HS3ST1: variants seen among roughly 807,000 people sequenced by gnomAD.
HS3ST1 encodes heparan sulfate-glucosamine 3-sulfotransferase 1, also known as heparan sulfate glucosamine 3-O-sulfotransferase 1.
A neutral mutation model predicts 20.7 loss-of-function variants in HS3ST1; 8 were observed. The ratio of observed to expected loss-of-function variants is 0.39; its 90% CI spans 0.23 to 0.70. The LOEUF is 0.70. Ranked by LOEUF, HS3ST1 falls within the 30% of genes least tolerant of loss-of-function variation. The pLI is 0.46. For missense variants in HS3ST1, 436 were observed against 423.4 expected, an observed-to-expected ratio of 1.03 and a Z score of -0.26; for synonymous variants, 205 against 190.4, an observed-to-expected ratio of 1.08 and a Z score of -0.63.
In HS3ST1 at chr4:11,399,409, G is replaced by C. The variant is rs376075496; in HGVS notation, c.597C>G (p.His199Gln). 92 of 1,613,902 alleles carry C rather than the reference G, an allele frequency of 5.7e-5. No homozygotes were observed. Among genetic ancestry groups the C allele is most frequent in the Non-Finnish European group, 7.5e-5 (89 of 1,180,000 alleles). ...GGAAAAAGCGCAGCCAGTTCTGCAT[G>C]TGCACGTGGTAGAGGCTGCGGTTGA... ...KALNRSLYHV[H>Q]MQNWLRFFPL... Residue 199 changes from histidine to glutamine, a missense_variant, in exon 2 of 2, where the codon CAC becomes CAG. Coordinates refer to ENST00000002596, the MANE Select transcript of HS3ST1 (RefSeq NM_005114.4). This position sits in a 1 kb window ranked among gnomAD's most constrained non-coding sequence, Gnocchi z 5.1.
chr4:11,412,088 C>T (rs1718653714), intron 1 of HS3ST1, among the ~76,000 whole-genome samples: 1 of 152,156 alleles, frequency 6.6e-6, no homozygotes, highest in Admixed American at 6.5e-5. Flanking sequence ...TTCCATATCC[C>T]AATAGCTGAT....
At position 11,399,070 on chromosome 4, in the gene HS3ST1, G is replaced by C. The variant is rs572965853; in HGVS notation, c.*12C>G. 1 of 1,601,950 alleles carries C rather than the reference G, an allele frequency of 6.2e-7. No individual in the cohort carries two copies. The highest frequency in any genetic ancestry group is 8.5e-7 in the Non-Finnish European group (1 of 1,171,386). ...TACAGTAGGAAAGTTTCTGAGCTTAGCTTATTGCAAATCAGTGCCAGTCAA... is the reference window on the plus strand; with the variant it reads ...TACAGTAGGAAAGTTTCTGAGCTTACCTTATTGCAAATCAGTGCCAGTCAA... On this transcript the variant is annotated 3_prime_UTR_variant, in exon 2 of 2. Coordinates refer to ENST00000002596, the MANE Select transcript of HS3ST1 (RefSeq NM_005114.4). The surrounding 1 kb of genome is among the most constrained non-coding windows in gnomAD (Gnocchi z 5.1).
chr4:11,431,223 C>T (rs1037619557), upstream of HS3ST1, among the ~76,000 whole-genome samples: 1 of 134,584 alleles, frequency 7.4e-6, no homozygotes, highest in African/African-American at 3.0e-5. Flanking sequence ...CTGAAACATA[C>T]TATGCTCTTA....
At position 11,399,127 on chromosome 4, in the gene HS3ST1, A is replaced by C; in HGVS notation, c.879T>G (p.Asn293Lys). The C allele has an allele frequency of 6.2e-7, 1 of 1,613,986 alleles. No homozygotes were observed. Residue 293 changes from asparagine to lysine, a missense_variant, in exon 2 of 2, where the codon AAT (asparagine) becomes AAG (lysine). By Grantham distance (94) the Asn-to-Lys change is moderately conservative. Transcript: ENST00000002596. The surrounding 1 kb of genome is among the most constrained non-coding windows in gnomAD (Gnocchi z 5.1). ...NKLHEYFHEP[N>K]KKFFELVGRT... is the part of the protein sequence containing the mutation. ...TGCCAACAAGCTCGAAGAACTTCTT[A>C]TTTGGCTCATGAAAATATTCGTGCA...
intron 1 of HS3ST1, among the ~76,000 whole-genome samples, chr4:11,402,578 C>T (rs777813398): frequency 3.9e-5 from 6 of 152,054 alleles, no homozygotes; most frequent in Admixed American, 6.6e-5. Context: ...TGTATGCATG[C>T]ATGTGTGTGT....
Position 11,397,383 on chromosome 4 carries a change from G to A in HS3ST1, c.*1699C>T, listed in dbSNP as rs1007736141. ...ACGTACCAAGGTGACTCACTTCCCT[G>A]ATAACACTGCTGAGAAAAATGCAGG... is the stretch of plus-strand genomic sequence containing the variant. On this transcript the variant is annotated 3_prime_UTR_variant, in exon 2 of 2. Transcript: ENST00000002596. 1.3e-5 allele frequency: 2 copies of A among 152,464 alleles called. No homozygotes were observed. Among genetic ancestry groups the A allele is most frequent in the Non-Finnish European group, 2.9e-5 (2 of 68,248 alleles). 9.4% of individuals were successfully genotyped at this position (152,464 alleles called of 1,614,324 possible). A position where few individuals can be genotyped will look rare whatever the true frequency, so the allele number is the denominator to read the frequency against.
rs1027737745 is a variant in HS3ST1 at position 11,396,688 on chromosome 4, G to A, written c.*2394C>T. 6.6e-6 allele frequency: 1 copy of A among 152,260 alleles called. No homozygotes were observed. Among genetic ancestry groups the A allele is most frequent in the Non-Finnish European group, 1.5e-5 (1 of 68,126 alleles). The allele number at this position is 152,260 out of a possible 1,614,324, so 9.4% of individuals were successfully genotyped here. On this transcript the variant is annotated 3_prime_UTR_variant, in exon 2 of 2. Coordinates refer to ENST00000002596, the MANE Select transcript of HS3ST1 (RefSeq NM_005114.4). Reference sequence around the variant, plus strand: ...AGTGTACCTTCTCAATGACTGGCTGGGGTTGTACCAAAAATGAATGAACAG... The same window carrying A: ...AGTGTACCTTCTCAATGACTGGCTGAGGTTGTACCAAAAATGAATGAACAG...
At chr4:11,411,958 A>G (rs377137163) in intron 1 of HS3ST1, among the ~76,000 whole-genome samples, 81 of 152,244 alleles carry the variant, frequency 5.3e-4, no homozygotes, top group African/African-American at 1.9e-3. Context: ...GGGGATGGTA[A>G]CAGCACCAAC....
At chr4:11,425,148 A>G (rs539007874) in intron 1 of HS3ST1, among the ~76,000 whole-genome samples, 17 of 152,340 alleles carry the variant, frequency 1.1e-4, no homozygotes, top group South Asian at 2.1e-4. Flanking sequence ...CACTCATTCA[A>G]TTATTCCAAA....
upstream of HS3ST1, among the ~76,000 whole-genome samples, chr4:11,433,174 C>G (rs1189507120): frequency 6.6e-6 from 1 of 151,994 alleles, no homozygotes; most frequent in Non-Finnish European, 1.5e-5. Context: ...AAAAGTTTAT[C>G]TTTTTCTGAT....
chr4:11,417,187 C>T (rs1718807421), intron 1 of HS3ST1, among the ~76,000 whole-genome samples: 2 of 152,152 alleles, frequency 1.3e-5, no homozygotes, highest in Admixed American at 6.5e-5. Flanking sequence ...CCAGCACCCA[C>T]TATGTGTATT....
In HS3ST1 at chr4:11,407,274, A is replaced by G. The variant is rs553350133; in HGVS notation, c.-108-7161T>C. ...TAAGCTTCCTTGGACCACATTTACTATGCAGTGGGGGATAAGTTACAGTAA... is the reference window on the plus strand; with the variant it reads ...TAAGCTTCCTTGGACCACATTTACTGTGCAGTGGGGGATAAGTTACAGTAA... On this transcript the variant is annotated intron_variant, in intron 1 of 1. Coordinates refer to ENST00000002596, the MANE Select transcript of HS3ST1 (RefSeq NM_005114.4). 4.6e-5 allele frequency among the ~76,000 whole-genome samples: 7 copies of G among 152,304 alleles called. No homozygotes were observed. In the South Asian group the frequency reaches 6.2e-4, roughly 14 times the overall value.
At chr4:11,412,565 C>T (rs1031078438) in intron 1 of HS3ST1, among the ~76,000 whole-genome samples, 1 of 152,122 alleles carries the variant, frequency 6.6e-6, no homozygotes, top group African/African-American at 2.4e-5. Context: ...TTCTAAGCTG[C>T]TGAGGTCTCC....
rs1379576005 is a variant in HS3ST1, at chr4:11,400,026, C to T, written c.-21G>A. Reference sequence around the variant, plus strand: ...GCCATGCTGGACACCACGGTGGCTTCACTGGGCCGCGCGCCGCTGGGTCAT... The same window carrying T: ...GCCATGCTGGACACCACGGTGGCTTTACTGGGCCGCGCGCCGCTGGGTCAT... On this transcript the variant is annotated 5_prime_UTR_variant, in exon 2 of 2. It removes the in-frame stop codon of an upstream open reading frame in the 5' UTR. Coordinates refer to ENST00000002596, the MANE Select transcript of HS3ST1 (RefSeq NM_005114.4). 2.0e-6 allele frequency: 3 copies of T among 1,475,218 alleles called. No homozygotes were observed. Among genetic ancestry groups the T allele is most frequent in the African/African-American group, 2.8e-5 (2 of 71,396 alleles). The allele number at this position is 1,475,218 out of a possible 1,614,324, so 91.4% of individuals were successfully genotyped here. A position where few individuals can be genotyped will look rare whatever the true frequency, so the allele number is the denominator to read the frequency against.
intron 1 of HS3ST1, among the ~76,000 whole-genome samples, chr4:11,409,259 C>A (rs1718551782): frequency 2.0e-5 from 3 of 152,102 alleles, no homozygotes; most frequent in Non-Finnish European, 1.5e-5. Flanking sequence ...TAAATTGTTT[C>A]CCCTGAAACA....
At chr4:11,410,002 A>G (rs937767038) in intron 1 of HS3ST1, among the ~76,000 whole-genome samples, 1 of 152,228 alleles carries the variant, frequency 6.6e-6, no homozygotes, top group Admixed American at 6.5e-5. Context: ...GATTTTTAGG[A>G]ATCTCATAAA....
intron 1 of HS3ST1, among the ~76,000 whole-genome samples, chr4:11,424,513 TAA>T (rs1484286872): frequency 6.6e-6 from 1 of 152,092 alleles, no homozygotes; most frequent in African/African-American, 2.4e-5. Context: ...CAATTCTGGC[TAA>T]GTCAGGGAGA....
intron 1 of HS3ST1, among the ~76,000 whole-genome samples, chr4:11,412,488 A>G (rs1004910627): frequency 6.6e-6 from 1 of 152,232 alleles, no homozygotes; most frequent in Non-Finnish European, 1.5e-5. Flanking sequence ...AAAATTAACC[A>G]CAAAGTTTTG....
At chr4:11,419,358 C>A (rs1718866070) in intron 1 of HS3ST1, among the ~76,000 whole-genome samples, 1 of 152,096 alleles carries the variant, frequency 6.6e-6, no homozygotes, top group Non-Finnish European at 1.5e-5. Context: ...AGACACTCTC[C>A]CATGAATATG....
Sources: gnomAD v4.1 joint callset for allele counts (sites outside exome capture counted in the v4.1 genomes callset) on GRCh38, gnomAD v4.1.1 for gene constraint, Gnocchi (gnomAD v3.1) non-coding constraint, MANE v1.5 for transcripts, NCBI Gene and HGNC (gene_info 2026-07-23, HGNC 2026-07-21) for gene names.